The following TMEM161B variants were observed in gnomAD, a reference collection of about 807,000 sequenced individuals.
The protein encoded by TMEM161B is transmembrane protein 161B.
A neutral mutation model predicts 61.8 loss-of-function variants in TMEM161B; 34 were observed. The ratio of observed to expected loss-of-function variants is 0.55; its 90% CI spans 0.42 to 0.73. The LOEUF (loss-of-function observed/expected upper bound fraction) is 0.73, where lower values mean the gene tolerates loss of function less well. Among genes scored for constraint, TMEM161B ranks in the 30% least tolerant of loss-of-function variants. The pLI, the probability that TMEM161B is intolerant of heterozygous loss-of-function variation, is 0.00. For synonymous variants in TMEM161B, 167 were observed against 192.8 expected (o/e 0.87, Z 1.11); for missense variants, 456 against 558.5 (o/e 0.82, Z 1.85).
intron 5 of TMEM161B, 67 bp from the exon 6 acceptor site, chr5:88,207,247 AG>A: frequency 7.1e-7 from 1 of 1,413,412 alleles, no homozygotes; most frequent in Admixed American, 2.5e-5. Flanking sequence ...TGATCTTTAT[AG>A]GACTTGATTG....
intron 3 of TMEM161B, among the ~76,000 whole-genome samples, chr5:88,227,691 T>C (rs950289562): frequency 2.0e-5 from 3 of 152,192 alleles, no homozygotes; most frequent in Middle Eastern, 3.2e-3. Flanking sequence ...ATTTTTATGA[T>C]ATACATGAGA....
chr5:88,243,520 A>G (rs1010715647), intron 1 of TMEM161B, among the ~76,000 whole-genome samples: 1 of 151,872 alleles, frequency 6.6e-6, no homozygotes, highest in Non-Finnish European at 1.5e-5. Context: ...GGTTGATTCC[A>G]TGTCTTTGCT....
rs202011902 is a variant in TMEM161B, at chr5:88,224,959, G to GTTTTTTTTTTTT, written c.289+809_289+810insAAAAAAAAAAAA. On this transcript the variant is annotated intron_variant, in intron 4 of 11. Coordinates refer to ENST00000296595, the MANE Select transcript of TMEM161B (RefSeq NM_153354.5). ...ATAATACACATAACACACAAAATAT[G>GTTTTTTTTTTTT]TTTTTGTTTTTTTTTTTTTTTTTTT... is the stretch of plus-strand genomic sequence containing the variant. Among the ~76,000 whole-genome samples, 4 of 101,202 alleles carry GTTTTTTTTTTTT rather than the reference G, an allele frequency of 4.0e-5. 2 individuals are homozygous for GTTTTTTTTTTTT. Among genetic ancestry groups the GTTTTTTTTTTTT allele is most frequent in the Non-Finnish European group, 7.7e-5 (4 of 52,286 alleles). 66.4% of individuals were successfully genotyped at this position (101,202 alleles called of 152,430 possible). A position where few individuals can be genotyped will look rare whatever the true frequency, so the allele number is the denominator to read the frequency against.
At chr5:88,218,547 G>T (rs1048376068) in intron 5 of TMEM161B, among the ~76,000 whole-genome samples, 7 of 152,282 alleles carry the variant, frequency 4.6e-5, no homozygotes, top group African/African-American at 1.7e-4. Flanking sequence ...CAGCACTCTG[G>T]AAGGCCAAGG....
chr5:88,258,462 A>G (rs1413300338), intron 1 of TMEM161B, among the ~76,000 whole-genome samples: 2 of 152,180 alleles, frequency 1.3e-5, no homozygotes, highest in Admixed American at 1.3e-4. Context: ...TTCTAGTAAT[A>G]AATTTAACCA....
intron 1 of TMEM161B, among the ~76,000 whole-genome samples, chr5:88,264,062 C>A (rs1310996745): frequency 6.6e-6 from 1 of 152,040 alleles, no homozygotes; most frequent in East Asian, 1.9e-4. Context: ...GTATCTCCAT[C>A]AAAGTCTCTT....
At chr5:88,188,635 C>G (rs189030785), downstream of TMEM161B, among the ~76,000 whole-genome samples, 145 of 152,154 alleles carry the variant, frequency 9.5e-4, no homozygotes, top group African/African-American at 3.1e-3. Context: ...CAGGACGAGC[C>G]GCAGAGAAAA....
At chr5:88,232,864 G>A (rs1282283333) in intron 2 of TMEM161B, among the ~76,000 whole-genome samples, 6 of 152,232 alleles carry the variant, frequency 3.9e-5, no homozygotes, top group South Asian at 2.1e-4. Flanking sequence ...GTGAGCCACC[G>A]CGCCTGGCCT....
intron 1 of TMEM161B, among the ~76,000 whole-genome samples, chr5:88,251,366 T>C (rs1230537047): frequency 6.6e-6 from 1 of 151,928 alleles, no homozygotes; most frequent in Non-Finnish European, 1.5e-5. Flanking sequence ...TCCTGAGCAA[T>C]AAGGGATTAT....
intron 4 of TMEM161B, among the ~76,000 whole-genome samples, chr5:88,225,562 A>T (rs1321866935): frequency 6.6e-6 from 1 of 152,222 alleles, no homozygotes; most frequent in Non-Finnish European, 1.5e-5. Context: ...AAATTTGTGT[A>T]AGTTAGCCTC....
downstream of TMEM161B, among the ~76,000 whole-genome samples, chr5:88,190,638 C>T (rs773005373): frequency 3.9e-5 from 6 of 152,224 alleles, no homozygotes; most frequent in Non-Finnish European, 8.8e-5. Context: ...TGGAAGCTCG[C>T]TGGTGTCCTT....
chr5:88,252,518 T>C (rs1754463388), intron 1 of TMEM161B, among the ~76,000 whole-genome samples: 1 of 152,204 alleles, frequency 6.6e-6, no homozygotes, highest in South Asian at 2.1e-4. Context: ...AACAAAAATC[T>C]ACTTCAGAAG....
At chr5:88,185,871 A>T (rs1003608902), downstream of TMEM161B, among the ~76,000 whole-genome samples, 8 of 152,222 alleles carry the variant, frequency 5.3e-5, no homozygotes, top group African/African-American at 1.9e-4. Flanking sequence ...CAGACCAAAA[A>T]ATGTTTGTAT....
intron 1 of TMEM161B, among the ~76,000 whole-genome samples, chr5:88,245,208 G>A (rs1201115422): frequency 6.6e-6 from 1 of 151,760 alleles, no homozygotes; most frequent in Non-Finnish European, 1.5e-5. Context: ...TATCAACTAG[G>A]TTAAAGTTCA....
chr5:88,219,025 C>A (rs1183274620), intron 5 of TMEM161B, among the ~76,000 whole-genome samples: 1 of 152,054 alleles, frequency 6.6e-6, no homozygotes, highest in Non-Finnish European at 1.5e-5. Flanking sequence ...ATCAGTGATA[C>A]CAGGGGCATA....
chr5:88,193,194 C>T (rs116838192), downstream of TMEM161B, among the ~76,000 whole-genome samples: 810 of 152,222 alleles, frequency 5.3e-3, 4 homozygotes, highest in African/African-American at 0.019. Flanking sequence ...AGGAAGAATA[C>T]AGCTCTGATT....
intron 1 of TMEM161B, among the ~76,000 whole-genome samples, chr5:88,267,598 T>C (rs1756560234): frequency 6.6e-6 from 1 of 152,110 alleles, no homozygotes; most frequent in African/African-American, 2.4e-5. Flanking sequence ...CTGACAATAA[T>C]GAACTTCACC....
intron 4 of TMEM161B, among the ~76,000 whole-genome samples, chr5:88,224,781 C>T (rs1749675840): frequency 6.6e-6 from 1 of 152,110 alleles, no homozygotes; most frequent in Non-Finnish European, 1.5e-5. Flanking sequence ...CTTCTTCCTT[C>T]TCCTCCTCAG....
intron 6 of TMEM161B, 143 bp downstream of exon 6, chr5:88,206,886 G>C: frequency 3.0e-6 from 2 of 656,370 alleles, no homozygotes; most frequent in Non-Finnish European, 2.4e-6. Context: ...TAATAATAAA[G>C]GTTAATTATT....
Sources: gnomAD v4.1 joint callset for allele counts (sites outside exome capture counted in the v4.1 genomes callset) on GRCh38, gnomAD v4.1.1 for gene constraint, MANE v1.5 for transcripts, NCBI Gene and HGNC (gene_info 2026-07-23, HGNC 2026-07-21) for gene names.